The following NEBL variants were observed in gnomAD, a reference collection of about 807,000 sequenced individuals.
NEBL encodes nebulette, also known as LIM and SH3 protein 2.
Under a neutral mutation model 140.2 loss-of-function variants are expected in NEBL, and 122 were observed. The ratio of observed to expected loss-of-function variants is 0.87; its 90% CI spans 0.75 to 1.01. NEBL has a LOEUF of 1.01. NEBL is among the 50% of genes least tolerant of loss of function. The probability of loss-of-function intolerance (pLI) is 0.00; values close to 1 mark genes in which losing one functional copy is unlikely to be tolerated. For missense variants in NEBL, 1,365 were observed against 1,231.3 expected (o/e 1.11, Z -1.62); for synonymous variants, 436 against 398.9 (o/e 1.09, Z -1.11).
intron 2 of NEBL, chr10:21,172,167 T>C (rs1469043847): frequency 1.2e-5 from 7 of 575,880 alleles, no homozygotes; most frequent in South Asian, 6.0e-5. Context: ...ACTAACCTGA[T>C]TGAAGATGCA....
intron 2 of NEBL, among the ~76,000 whole-genome samples, chr10:21,048,468 A>C (rs1834619911): frequency 6.6e-6 from 1 of 151,840 alleles, no homozygotes; most frequent in South Asian, 2.1e-4. Flanking sequence ...AAAAAAAAAA[A>C]ACCTAAGTAA....
intron 2 of NEBL, among the ~76,000 whole-genome samples, chr10:21,161,144 C>A (rs1840543554): frequency 6.6e-6 from 1 of 152,184 alleles, no homozygotes; most frequent in African/African-American, 2.4e-5. Flanking sequence ...GATCGCCACA[C>A]AGATCCTTAT....
At chr10:20,951,397 AAAAG>A (rs1261911567) in intron 4 of NEBL, among the ~76,000 whole-genome samples, 4 of 152,074 alleles carry the variant, frequency 2.6e-5, no homozygotes, top group Admixed American at 6.6e-5. Flanking sequence ...CAAAAAAAAA[AAAAG>A]AAAGAAATGC....
At chr10:21,131,486 G>A (rs1839103151) in intron 2 of NEBL, among the ~76,000 whole-genome samples, 1 of 152,050 alleles carries the variant, frequency 6.6e-6, no homozygotes, top group Non-Finnish European at 1.5e-5. Context: ...TCTGCTCACT[G>A]TGATAATTTT....
chr10:21,231,496 G>A (rs113037789), intron 3 of NEBL, among the ~76,000 whole-genome samples: 8 of 151,868 alleles, frequency 5.3e-5, no homozygotes, highest in Non-Finnish European at 5.9e-5. Context: ...CCGAGATGGC[G>A]CCACTGCACT....
chr10:20,808,143 T>C (rs532521512), intron 26 of NEBL, among the ~76,000 whole-genome samples: 2 of 152,166 alleles, frequency 1.3e-5, no homozygotes, highest in African/African-American at 4.8e-5. Flanking sequence ...TTTTCCTTAA[T>C]GGAAATCATA....
chr10:21,085,155 G>C (rs1266814030), intron 2 of NEBL, among the ~76,000 whole-genome samples: 1 of 152,150 alleles, frequency 6.6e-6, no homozygotes, highest in Non-Finnish European at 1.5e-5. Flanking sequence ...TGATTTTCAT[G>C]TGAGGACCCA....
chr10:20,884,412 C>G (rs1846283536), intron 4 of NEBL, among the ~76,000 whole-genome samples: 2 of 152,020 alleles, frequency 1.3e-5, no homozygotes, highest in South Asian at 2.1e-4. Context: ...TCACAGATGC[C>G]CTGAAGCTTC....
At position 21,114,606 on chromosome 10, in the gene NEBL, G is replaced by A. The variant is rs563307086; in HGVS notation, c.164+57777C>T. 2.6e-5 allele frequency among the ~76,000 whole-genome samples: 4 copies of A among 152,090 alleles called. 1 individual carries two copies. Among genetic ancestry groups the A allele is most frequent in the African/African-American group, 9.6e-5 (4 of 41,528 alleles). The stretch of plus-strand genomic sequence containing the variant: ...CTTCAACCACATTTAGGATTGCTAT[G>A]TTTTCTTGAGAAAATGATTCCTTTA... On this transcript the variant is annotated intron_variant, in intron 2 of 6. Transcript: ENST00000417816.
intron 4 of NEBL, among the ~76,000 whole-genome samples, chr10:20,921,623 C>T (rs1046541687): frequency 6.6e-6 from 1 of 152,176 alleles, no homozygotes; most frequent in African/African-American, 2.4e-5. Flanking sequence ...ACCTCACTAT[C>T]CCTTGCTTGT....
intron 2 of NEBL, chr10:21,172,203 G>A (rs1203446849): frequency 1.6e-6 from 1 of 637,450 alleles, no homozygotes; most frequent in East Asian, 2.8e-5. Flanking sequence ...ACATTAGAAA[G>A]GTATAAAAAG....
intron 3 of NEBL, among the ~76,000 whole-genome samples, chr10:21,204,471 A>G (rs1410526258): frequency 1.3e-5 from 2 of 152,050 alleles, no homozygotes; most frequent in Admixed American, 1.3e-4. Flanking sequence ...CCATGCGCAC[A>G]TGATGACAGA....
At chr10:21,099,957 G>A (rs1837394743) in intron 2 of NEBL, among the ~76,000 whole-genome samples, 1 of 152,106 alleles carries the variant, frequency 6.6e-6, no homozygotes, top group African/African-American at 2.4e-5. Flanking sequence ...GCCAATAACA[G>A]AGTTGCAAAA....
intron 3 of NEBL, among the ~76,000 whole-genome samples, chr10:21,229,968 C>T (rs1262942660): frequency 6.6e-6 from 1 of 152,200 alleles, no homozygotes; most frequent in Non-Finnish European, 1.5e-5. Flanking sequence ...GGCCACTCCG[C>T]TAATGTAGTT....
At chr10:21,154,920 G>A (rs1229768100) in intron 2 of NEBL, among the ~76,000 whole-genome samples, 1 of 152,188 alleles carries the variant, frequency 6.6e-6, no homozygotes, top group African/African-American at 2.4e-5. Context: ...CACATCATAG[G>A]CTGGGCGTAG....
intron 2 of NEBL, among the ~76,000 whole-genome samples, chr10:21,155,087 T>C (rs1286605374): frequency 6.6e-6 from 1 of 152,118 alleles, no homozygotes; most frequent in Non-Finnish European, 1.5e-5. Flanking sequence ...TAATCCCAGC[T>C]ACTCCAGAGG....
chr10:20,820,881 G>A (rs1465394511), intron 19 of NEBL, among the ~76,000 whole-genome samples: 1 of 151,944 alleles, frequency 6.6e-6, no homozygotes, highest in Non-Finnish European at 1.5e-5. Flanking sequence ...ATAGACTTAA[G>A]ATGCATACTC....
At chr10:21,108,126 A>C (rs575076793) in intron 2 of NEBL, among the ~76,000 whole-genome samples, 25 of 152,080 alleles carry the variant, frequency 1.6e-4, no homozygotes, top group Admixed American at 8.5e-4. Context: ...CCTGGATTCA[A>C]TGATTTTTGA....
intron 18 of NEBL, among the ~76,000 whole-genome samples, chr10:20,824,061 G>C (rs2130859025): frequency 6.6e-6 from 1 of 152,184 alleles, no homozygotes; most frequent in Admixed American, 6.5e-5. Flanking sequence ...TTATGCACGG[G>C]ACAAGAAAGA....
Sources: gnomAD v4.1 joint callset for allele counts (sites outside exome capture counted in the v4.1 genomes callset) on GRCh38, gnomAD v4.1.1 for gene constraint, MANE v1.5 for transcripts, NCBI Gene and HGNC (gene_info 2026-07-23, HGNC 2026-07-21) for gene names.